The following MDGA2 variants were observed in gnomAD, a reference collection of about 807,000 sequenced individuals.
MDGA2 encodes MAM domain containing glycosylphosphatidylinositol anchor 2, also known as MAM domain-containing glycosylphosphatidylinositol anchor protein 2.
MDGA2 carries 40 observed loss-of-function variants against 117.8 expected under a neutral mutation model. The ratio of observed to expected loss-of-function variants is 0.34; its 90% CI spans 0.26 to 0.44. MDGA2 has a LOEUF of 0.44. MDGA2 is among the 20% of genes least tolerant of loss of function. The pLI, the probability that MDGA2 is intolerant of heterozygous loss-of-function variation, is 1.00. For missense variants in MDGA2, 1,123 were observed against 1,250.6 expected (o/e 0.90, Z 1.54); for synonymous variants, 452 against 439.0 (o/e 1.03, Z -0.37).
rs182703769 is a variant in MDGA2, at chr14:47,095,761, C to G, written c.1195+1093G>C. On this transcript the variant is annotated intron_variant, in intron 6 of 16. Transcript: ENST00000399232. ...AATAGAGTATACTTTTGTCAAATAG[C>G]ATATTCCTAATAATTTGCAAAATAA... is the stretch of plus-strand genomic sequence containing the variant. 2.0e-4 allele frequency among the ~76,000 whole-genome samples: 31 copies of G among 152,044 alleles called. No individual in the cohort carries two copies. The East Asian group carries it at 2.7e-3, about 13-fold the overall frequency.
chr14:47,667,074 C>T (rs914909203), intron 1 of MDGA2, among the ~76,000 whole-genome samples: 13 of 152,318 alleles, frequency 8.5e-5, no homozygotes, highest in Admixed American at 2.0e-4. Context: ...CGGCTTCATT[C>T]TTGAAGTCAG....
intron 5 of MDGA2, among the ~76,000 whole-genome samples, chr14:47,126,436 CT>C (rs1881906516): frequency 1.3e-5 from 2 of 152,154 alleles, no homozygotes; most frequent in Non-Finnish European, 2.9e-5. Context: ...AATGACACTT[CT>C]GTGGCAGGAG....
chr14:47,486,645 C>T (rs1443395873), intron 1 of MDGA2, among the ~76,000 whole-genome samples: 1 of 152,108 alleles, frequency 6.6e-6, no homozygotes, highest in Non-Finnish European at 1.5e-5. Context: ...GGAAGGGACC[C>T]GGTGGGAGAC....
intron 9 of MDGA2, among the ~76,000 whole-genome samples, chr14:46,920,598 G>A (rs1884089099): frequency 2.6e-5 from 4 of 152,132 alleles, no homozygotes; most frequent in Non-Finnish European, 5.9e-5. Context: ...TAAATTTAAA[G>A]CCAAGAGACG....
At chr14:46,964,541 A>G (rs1397480889) in intron 8 of MDGA2, among the ~76,000 whole-genome samples, 1 of 152,218 alleles carries the variant, frequency 6.6e-6, no homozygotes. Flanking sequence ...CTGATTTGCT[A>G]GAACAACTTG....
chr14:47,301,235 CTT>C (rs926511804), intron 2 of MDGA2, among the ~76,000 whole-genome samples, 174 bp downstream of exon 2: 15 of 152,032 alleles, frequency 9.9e-5, no homozygotes, highest in Non-Finnish European at 2.1e-4. Context: ...AATCCACACT[CTT>C]GTCCTGCGTT....
chr14:47,177,345 T>A, intron 3 of MDGA2, among the ~76,000 whole-genome samples: 1 of 152,158 alleles, frequency 6.6e-6, no homozygotes, highest in Non-Finnish European at 1.5e-5. Flanking sequence ...TAAAGACACA[T>A]GCACACGTAT....
rs1270103883 is a variant in MDGA2, at chr14:47,022,546, G to A, written c.1819+12465C>T. On this transcript the variant is annotated intron_variant, in intron 8 of 16. Transcript: ENST00000399232. The stretch of plus-strand genomic sequence containing the variant: ...GAGAGACAGAGAAAAAAAGAAACAG[G>A]AAAAATGTCTCCGTATATTAGGAGT... Among the ~76,000 whole-genome samples the A allele has an allele frequency of 9.2e-5, 14 of 152,144 alleles. No homozygotes were observed. In the South Asian group the frequency reaches 1.2e-3, roughly 14 times the overall value.
At chr14:47,516,979 G>C (rs910445593) in intron 1 of MDGA2, among the ~76,000 whole-genome samples, 1 of 152,094 alleles carries the variant, frequency 6.6e-6, no homozygotes, top group Admixed American at 6.6e-5. Context: ...ATTGCCCCAT[G>C]CACTATAGAT....
intron 12 of MDGA2, 92 bp from the exon 13 acceptor site, chr14:46,874,292 A>G: frequency 1.8e-6 from 1 of 565,924 alleles, no homozygotes; most frequent in Non-Finnish European, 2.7e-6. Context: ...TTACATAGCA[A>G]TAATAATGCA....
intron 8 of MDGA2, among the ~76,000 whole-genome samples, chr14:47,032,708 G>A (rs183608865): frequency 6.6e-6 from 1 of 152,298 alleles, no homozygotes; most frequent in East Asian, 1.9e-4. Context: ...AAGATCTGCT[G>A]GCAGAGATTA....
chr14:47,430,520 G>T (rs1370981510), intron 1 of MDGA2, among the ~76,000 whole-genome samples: 1 of 151,928 alleles, frequency 6.6e-6, no homozygotes, highest in Non-Finnish European at 1.5e-5. Context: ...TTTATTGGGG[G>T]TGTAAGAAAT....
At chr14:47,320,237 C>T (rs1349230604) in intron 1 of MDGA2, among the ~76,000 whole-genome samples, 7 of 152,100 alleles carry the variant, frequency 4.6e-5, no homozygotes, top group Non-Finnish European at 8.8e-5. Flanking sequence ...CAATTTGTGG[C>T]TGGGTGTGGT....
At chr14:47,464,859 G>T (rs1893567158) in intron 1 of MDGA2, among the ~76,000 whole-genome samples, 1 of 151,800 alleles carries the variant, frequency 6.6e-6, no homozygotes, top group South Asian at 2.1e-4. Context: ...AAAAGCTAAA[G>T]CAATCCTAAG....
chr14:47,240,251 G>A (rs1045658507), intron 2 of MDGA2, among the ~76,000 whole-genome samples: 2 of 151,630 alleles, frequency 1.3e-5, no homozygotes, highest in Admixed American at 1.3e-4. Flanking sequence ...TCACCATGTT[G>A]GTCAGGCTGG....
At chr14:47,050,875 T>A (rs1889434411) in intron 7 of MDGA2, among the ~76,000 whole-genome samples, 1 of 151,980 alleles carries the variant, frequency 6.6e-6, no homozygotes, top group Admixed American at 6.6e-5. Flanking sequence ...GCAAGGAGAC[T>A]CTAACATCCT....
intron 3 of MDGA2, among the ~76,000 whole-genome samples, chr14:47,166,334 A>C (rs1422722660): frequency 6.6e-6 from 1 of 152,008 alleles, no homozygotes; most frequent in African/African-American, 2.4e-5. Context: ...GCGCCCCACC[A>C]CTGTTTACTA....
intron 2 of MDGA2, among the ~76,000 whole-genome samples, chr14:47,290,368 T>C (rs778437218): frequency 6.6e-6 from 1 of 152,118 alleles, no homozygotes; most frequent in African/African-American, 2.4e-5. Context: ...GCCCTCATCA[T>C]ACATGGAATC....
intron 1 of MDGA2, among the ~76,000 whole-genome samples, chr14:47,462,375 C>CAA (rs373508880): frequency 0.34 from 32,093 of 95,774 alleles, 4,456 homozygotes; most frequent in East Asian, 0.57. Flanking sequence ...GACTCCGTCC[C>CAA]AAAAAAAAAA....
Sources: allele counts gnomAD v4.1 joint callset (sites outside exome capture counted in the v4.1 genomes callset), GRCh38; gene constraint gnomAD v4.1.1; transcripts MANE v1.5; gene names NCBI Gene and HGNC (gene_info 2026-07-23, HGNC 2026-07-21).